Variants in L3MBTL4 observed in about 807,000 individuals in gnomAD.
L3MBTL4 encodes the protein L3MBTL histone methyl-lysine binding protein 4, also known as lethal(3)malignant brain tumor-like protein 4.
A neutral mutation model predicts 84.5 loss-of-function variants in L3MBTL4; 70 were observed. The ratio of observed to expected loss-of-function variants is 0.83; its 90% CI spans 0.68 to 1.01. The LOEUF (loss-of-function observed/expected upper bound fraction) is 1.01. L3MBTL4 is among the 50% of genes least tolerant of loss of function. L3MBTL4 has a pLI of 0.00. For synonymous variants in L3MBTL4, 274 were observed against 259.8 expected, an observed-to-expected ratio of 1.05 and a Z score of -0.52; for missense variants, 715 against 754.8, an observed-to-expected ratio of 0.95 and a Z score of 0.62.
intron 16 of L3MBTL4, among the ~76,000 whole-genome samples, chr18:5,979,028 G>C (rs2053089632): frequency 6.6e-6 from 1 of 152,142 alleles, no homozygotes; most frequent in Non-Finnish European, 1.5e-5. Flanking sequence ...ACAGCACCTG[G>C]TACACAGAGG....
In L3MBTL4 at chr18:6,091,458, C is replaced by T. The variant is rs540062864; in HGVS notation, c.1373+1897G>A. The stretch of plus-strand genomic sequence containing the variant: ...GATGTGTAACATACACCTCCTGCCC[C>T]CACAGCTAATTACAGGCAACATAGG... On this transcript the variant is annotated intron_variant, in intron 15 of 18. Transcript: ENST00000317931. Among the ~76,000 whole-genome samples the T allele has an allele frequency of 9.3e-4, 141 of 152,306 alleles. 1 individual carries two copies. Among genetic ancestry groups the T allele is most frequent in the African/African-American group, 3.3e-3 (138 of 41,552 alleles).
chr18:6,413,808 A>G (rs1201042557), intron 1 of L3MBTL4, among the ~76,000 whole-genome samples: 2 of 152,232 alleles, frequency 1.3e-5, no homozygotes, highest in Admixed American at 6.5e-5. Flanking sequence ...AGCAGTCTCA[A>G]CAGTAACAAT....
intron 5 of L3MBTL4, among the ~76,000 whole-genome samples, chr18:6,254,596 A>C (rs117583219): frequency 0.011 from 1,636 of 152,238 alleles, 22 homozygotes; most frequent in Non-Finnish European, 0.018. Context: ...CATTTTTCAT[A>C]GATTAATTCT....
At chr18:6,317,414 A>C (rs2051163146) in intron 1 of L3MBTL4, among the ~76,000 whole-genome samples, 1 of 152,160 alleles carries the variant, frequency 6.6e-6, no homozygotes, top group Non-Finnish European at 1.5e-5. Flanking sequence ...AGAAAAACCA[A>C]TCAGAACATC....
intron 16 of L3MBTL4, among the ~76,000 whole-genome samples, chr18:5,999,833 T>C (rs1045886037): frequency 6.6e-6 from 1 of 152,180 alleles, no homozygotes; most frequent in Non-Finnish European, 1.5e-5. Flanking sequence ...CTTGTACAAA[T>C]GGGGACAGGA....
chr18:6,061,817 G>A (rs920172192), intron 16 of L3MBTL4, among the ~76,000 whole-genome samples: 1 of 151,676 alleles, frequency 6.6e-6, no homozygotes, highest in Non-Finnish European at 1.5e-5. Flanking sequence ...TTGCCCTGAA[G>A]TTTGCACTAT....
chr18:6,179,820 T>C (rs73383917), intron 12 of L3MBTL4, among the ~76,000 whole-genome samples: 4,248 of 152,234 alleles, frequency 0.028, 231 homozygotes, highest in African/African-American at 0.098. Flanking sequence ...TGTTTTTTTG[T>C]AGAGTCAAGG....
intron 14 of L3MBTL4, among the ~76,000 whole-genome samples, chr18:6,107,981 A>C (rs939233632): frequency 6.6e-6 from 1 of 152,164 alleles, no homozygotes; most frequent in Non-Finnish European, 1.5e-5. Flanking sequence ...GAGCTCCCCC[A>C]AAAATCGCGT....
chr18:5,972,477 T>C (rs514856), intron 16 of L3MBTL4, among the ~76,000 whole-genome samples: 103,050 of 151,990 alleles, frequency 0.68, 35,839 homozygotes, highest in African/African-American at 0.84. Context: ...AGGTCCCCAG[T>C]GTGTTGTGAA....
chr18:6,153,396 T>G (rs1584980), intron 13 of L3MBTL4, among the ~76,000 whole-genome samples: 150,686 of 152,258 alleles, frequency 0.99, 74,572 homozygotes, highest in Middle Eastern at 1. Flanking sequence ...TTTTTTCAAT[T>G]TCTTAAAAGT....
intron 13 of L3MBTL4, among the ~76,000 whole-genome samples, chr18:6,161,689 T>G (rs754448155): frequency 6.6e-6 from 1 of 152,164 alleles, no homozygotes; most frequent in African/African-American, 2.4e-5. Flanking sequence ...AGGCTGCCAC[T>G]AACTATTTCA....
intron 16 of L3MBTL4, among the ~76,000 whole-genome samples, chr18:5,977,222 T>G (rs564343772): frequency 2.0e-4 from 30 of 152,352 alleles, no homozygotes; most frequent in African/African-American, 7.0e-4. Context: ...GGCGGGCATG[T>G]GCCCTGTGGT....
Position 6,125,517 on chromosome 18 carries a change from C to T in L3MBTL4, c.1199+12677G>A, listed in dbSNP as rs541970075. ...GATCTTGGCTCACTGCAGCGTCAAC[C>T]TCCTGGGCTCAGGCGATCCTCCCAC... On this transcript the variant is annotated intron_variant, in intron 14 of 18. Transcript: ENST00000317931. 2.6e-5 allele frequency among the ~76,000 whole-genome samples: 4 copies of T among 152,288 alleles called. No individual in the cohort carries two copies. The South Asian group carries it at 8.3e-4, about 32-fold the overall frequency.
chr18:6,206,739 G>T (rs534107255), intron 12 of L3MBTL4, among the ~76,000 whole-genome samples: 129 of 152,132 alleles, frequency 8.5e-4, no homozygotes, highest in Non-Finnish European at 1.6e-3. Flanking sequence ...CAACTGATAG[G>T]AGAAAAAAAT....
intron 15 of L3MBTL4, among the ~76,000 whole-genome samples, chr18:6,083,547 A>T (rs1026540914): frequency 1.3e-5 from 2 of 152,116 alleles, no homozygotes; most frequent in African/African-American, 4.8e-5. Context: ...CATGTTTGGA[A>T]ATGACTAGGC....
chr18:6,097,456 C>T (rs2058678021), intron 14 of L3MBTL4, among the ~76,000 whole-genome samples: 1 of 152,112 alleles, frequency 6.6e-6, no homozygotes, highest in East Asian at 1.9e-4. Flanking sequence ...AACACTGAGC[C>T]CCTGAGGCTG....
chr18:6,162,902 T>G (rs2043411295), intron 13 of L3MBTL4, among the ~76,000 whole-genome samples: 1 of 152,180 alleles, frequency 6.6e-6, no homozygotes, highest in South Asian at 2.1e-4. Flanking sequence ...TGAAAGGTTT[T>G]GAGAGGAAAA....
At chr18:6,060,761 A>G (rs2057187111) in intron 16 of L3MBTL4, among the ~76,000 whole-genome samples, 2 of 152,164 alleles carry the variant, frequency 1.3e-5, no homozygotes, top group African/African-American at 2.4e-5. Flanking sequence ...GGAATTATGT[A>G]TGTAGCCCTT....
intron 14 of L3MBTL4, among the ~76,000 whole-genome samples, chr18:6,106,419 T>C (rs929460321): frequency 6.6e-6 from 1 of 152,222 alleles, no homozygotes; most frequent in Non-Finnish European, 1.5e-5. Context: ...TTGAGCTGTT[T>C]AGTGTTTTTA....
Sources: gnomAD v4.1 joint callset for allele counts (sites outside exome capture counted in the v4.1 genomes callset) on GRCh38, gnomAD v4.1.1 for gene constraint, MANE v1.5 for transcripts, NCBI Gene and HGNC (gene_info 2026-07-23, HGNC 2026-07-21) for gene names.